The following CAPN1 variants were observed in gnomAD, a reference collection of about 807,000 sequenced individuals.
The protein encoded by CAPN1 is calpain 1, also known as calpain-1 catalytic subunit.
Under a neutral mutation model 105.2 loss-of-function variants are expected in CAPN1, and 77 were observed. That is an observed-to-expected ratio of 0.73 (90% confidence interval 0.61 to 0.88). The LOEUF is 0.88. Among genes scored for constraint, CAPN1 ranks in the 40% least tolerant of loss-of-function variants. The pLI is 0.00. For missense variants in CAPN1, 833 were observed against 976.6 expected (o/e 0.85, Z 1.96); for synonymous variants, 355 against 388.8 (o/e 0.91, Z 1.02).
chr11:65,195,106 T>G (rs1197170754), intron 10 of CAPN1, among the ~76,000 whole-genome samples: 2 of 140,690 alleles, frequency 1.4e-5, no homozygotes, highest in Admixed American at 7.0e-5. Flanking sequence ...TGGGGTTTTT[T>G]TTTTTTTTTT....
At chr11:65,187,554 G>C (rs530284879) in intron 7 of CAPN1, 2 of 557,962 alleles carry the variant, frequency 3.6e-6, no homozygotes, top group East Asian at 6.1e-5. Context: ...TGCTGAGCAG[G>C]GCTTGGAGAG....
At chr11:65,211,110 G>T in intron 21 of CAPN1, 150 bp from the exon 22 acceptor site, 1 of 887,998 alleles carries the variant, frequency 1.1e-6, no homozygotes, top group Non-Finnish European at 1.8e-6. Flanking sequence ...TGGTTTCCCA[G>T]GGGTGGAGGA....
Position 65,187,340 on chromosome 11 carries a change from C to T in CAPN1, c.843+42C>T, listed in dbSNP as rs773183049. The T allele has an allele frequency of 9.2e-6, 13 of 1,410,754 alleles. No homozygotes were observed. In the South Asian group the frequency reaches 1.2e-4, roughly 13 times the overall value. The allele number at this position is 1,410,754 out of a possible 1,614,324, so 87.4% of individuals were successfully genotyped here. ...GGCCTTCCCTGAAGGGCGGTTCCTGCCCCCTGGCCTGTCCTTGCCTCTCTG... is the reference window on the plus strand; with the variant it reads ...GGCCTTCCCTGAAGGGCGGTTCCTGTCCCCTGGCCTGTCCTTGCCTCTCTG... On this transcript the variant is annotated intron_variant, in intron 7 of 21. Coordinates refer to ENST00000279247, the MANE Select transcript of CAPN1 (RefSeq NM_005186.4).
Position 65,209,718 on chromosome 11 carries a change from G to C in CAPN1, c.1795-131G>C. 1.2e-6 allele frequency: 1 copy of C among 861,336 alleles called. No individual in the cohort carries two copies. The highest frequency in any genetic ancestry group is 1.9e-6 in the Non-Finnish European group (1 of 537,028). 53.4% of individuals were successfully genotyped at this position (861,336 alleles called of 1,614,324 possible). On this transcript the variant is annotated intron_variant, in intron 17 of 21. Coordinates refer to ENST00000279247, the MANE Select transcript of CAPN1 (RefSeq NM_005186.4). This position sits in a 1 kb window ranked among gnomAD's most constrained non-coding sequence, Gnocchi z 4.1. Reference sequence around the variant, plus strand: ...CCCGGCTGTGGGCTGACTGTACATGGCTTTTGCTGCTTCTCCTCACCCAGC... The same window carrying C: ...CCCGGCTGTGGGCTGACTGTACATGCCTTTTGCTGCTTCTCCTCACCCAGC...
chr11:65,204,399 C>T (rs1459836594), intron 10 of CAPN1, among the ~76,000 whole-genome samples: 1 of 152,106 alleles, frequency 6.6e-6, no homozygotes, highest in Admixed American at 6.5e-5. Flanking sequence ...GGTCTCAGCG[C>T]ATAGGTCCCC....
intron 4 of CAPN1, among the ~76,000 whole-genome samples, chr11:65,184,252 C>A (rs1458411572): frequency 1.3e-5 from 2 of 152,274 alleles, no homozygotes; most frequent in Admixed American, 6.5e-5. Flanking sequence ...TCTGTCCTTG[C>A]CCGCCTTGCG....
At chr11:65,199,517 C>T (rs895791062) in intron 10 of CAPN1, among the ~76,000 whole-genome samples, 4 of 152,134 alleles carry the variant, frequency 2.6e-5, no homozygotes, top group African/African-American at 4.8e-5. Flanking sequence ...TTGAGAATAT[C>T]ACCTCCTTCC....
intron 10 of CAPN1, among the ~76,000 whole-genome samples, chr11:65,193,918 T>A (rs2137345245): frequency 6.6e-6 from 1 of 150,820 alleles, no homozygotes; most frequent in Middle Eastern, 3.4e-3. Context: ...ATATCATTAA[T>A]CTTTACTGTT....
intron 1 of CAPN1, chr11:65,182,416 C>T: frequency 2.5e-6 from 1 of 404,574 alleles, no homozygotes; most frequent in Non-Finnish European, 4.4e-6. Flanking sequence ...CCGCCCTGCC[C>T]CACCTGACCT....
intron 14 of CAPN1, 136 bp downstream of exon 14, chr11:65,206,955 G>A: frequency 1.3e-6 from 1 of 777,166 alleles, no homozygotes; most frequent in Non-Finnish European, 2.1e-6. Flanking sequence ...CATAGGAGTA[G>A]TGCTAATCCC....
At chr11:65,201,501 G>A (rs1948868196) in intron 10 of CAPN1, among the ~76,000 whole-genome samples, 1 of 152,072 alleles carries the variant, frequency 6.6e-6, no homozygotes, top group East Asian at 1.9e-4. Flanking sequence ...CCTCCAGGGA[G>A]GTTTAATTTT....
At position 65,206,572 on chromosome 11, in the gene CAPN1, G is replaced by A. The variant is rs376981701; in HGVS notation, c.1463G>A (p.Arg488His). The change falls in exon 13 of 22, where the codon CGC becomes CAC. Residue 488 changes from arginine to histidine, a missense_variant. By Grantham distance (29) the Arg-to-His change is conservative. Coordinates refer to ENST00000279247, the MANE Select transcript of CAPN1 (RefSeq NM_005186.4). ...CTGCGAGAGGTCAGCACCCGCTTCC[G>A]CCTGCCACCCGGGGAGTATGTGGTG... ...INLREVSTRF[R>H]LPPGEYVVVP... is the part of the protein sequence containing the mutation. The A allele has an allele frequency of 1.2e-5, 20 of 1,613,320 alleles. No homozygotes were observed. Among genetic ancestry groups the A allele is most frequent in the Middle Eastern group, 1.6e-4 (1 of 6,084 alleles).
intron 7 of CAPN1, 200 bp from the exon 8 acceptor site, chr11:65,187,755 C>A: frequency 2.0e-6 from 1 of 512,294 alleles, no homozygotes. Context: ...GGTGTGGTGG[C>A]AGGTGCCTGT....
rs1397637789 is a variant in CAPN1, at chr11:65,185,916, G to A, written c.457-1G>A. Reference sequence around the variant, plus strand: ...GTACTCACCGTGCCCCTCCCCCACAGCTGTGGCAATTTGGGGAGTGGGTGG... The same window carrying A: ...GTACTCACCGTGCCCCTCCCCCACAACTGTGGCAATTTGGGGAGTGGGTGG... On this transcript the variant is annotated splice_acceptor_variant, in intron 4 of 21. Transcript: ENST00000279247. LOFTEE classifies it high-confidence loss of function. 1 of 1,579,572 alleles carries A rather than the reference G, an allele frequency of 6.3e-7. No individual in the cohort carries two copies. The highest frequency in any genetic ancestry group is 1.3e-5 in the African/African-American group (1 of 74,150).
rs17883561 is a variant in CAPN1 at position 65,206,301 on chromosome 11, G to A, written c.1354-162G>A. The A allele has an allele frequency of 0.1, 64,399 of 618,008 alleles. 4,141 individuals carry two copies. The highest frequency in any genetic ancestry group is 0.13 in the Non-Finnish European group (44,395 of 348,292). 38.3% of individuals were successfully genotyped at this position (618,008 alleles called of 1,614,324 possible). On this transcript the variant is annotated intron_variant, in intron 12 of 21. Transcript: ENST00000279247. ...TACATTTTACAGATGAGGAAACTGA[G>A]GCAAAATGTCTTGTTAGGGTCACAC...
intron 14 of CAPN1, among the ~76,000 whole-genome samples, chr11:65,207,384 G>A (rs1474261424): frequency 3.3e-5 from 5 of 151,434 alleles, no homozygotes; most frequent in Admixed American, 2.6e-4. Flanking sequence ...ATTTTTAGTA[G>A]AGACGGGGTT....
Position 65,183,215 on chromosome 11 carries a change from C to CT in CAPN1, c.337+18_337+19insT. 1 of 1,611,726 alleles carries CT rather than the reference C, an allele frequency of 6.2e-7. No homozygotes were observed. Among genetic ancestry groups the CT allele is most frequent in the African/African-American group, 1.3e-5 (1 of 74,982 alleles). The stretch of plus-strand genomic sequence containing the variant: ...AGCACTGGGTAGGCCCCCAGGGCGT[C>CT]GGGTCCCGGGTATTTTTTCCACAGT... On this transcript the variant is annotated intron_variant, in intron 3 of 21. Transcript: ENST00000279247.
chr11:65,182,957 A>T lies in CAPN1; in HGVS notation c.256A>T (p.Lys86Ter). The T allele has an allele frequency of 6.2e-7, 1 of 1,613,488 alleles. No individual in the cohort carries two copies. Among genetic ancestry groups the T allele is most frequent in the Non-Finnish European group, 8.5e-7 (1 of 1,179,724 alleles). The part of the protein sequence containing the change: ...NSSKTYGIKW[K>*]RPTELLSNPQ... Reference sequence around the variant, plus strand: ...CTCCAAGACCTATGGCATCAAGTGGAAGCGTCCCACGGTGAGAGGGGCCAT... The same window carrying T: ...CTCCAAGACCTATGGCATCAAGTGGTAGCGTCCCACGGTGAGAGGGGCCAT... The change falls in exon 2 of 22, where the codon AAG becomes TAG. Residue 86 changes from lysine to a stop codon, truncating the protein, a stop_gained. Transcript: ENST00000279247. LOFTEE classifies it high-confidence loss of function.
chr11:65,197,687 G>T lies in CAPN1; in HGVS notation c.1166-6996G>T, dbSNP rs182282789. Among the ~76,000 whole-genome samples the T allele has an allele frequency of 1.7e-4, 26 of 152,126 alleles. 1 individual carries two copies. Among genetic ancestry groups the T allele is most frequent in the African/African-American group, 5.8e-4 (24 of 41,510 alleles). ...GGATCACCTGAGGTCAGGAGTTCGA[G>T]ACCAGCCTGGCCAACATGGTGGAAC... On this transcript the variant is annotated intron_variant, in intron 10 of 21. Transcript: ENST00000279247.
Sources: gnomAD v4.1 joint callset for allele counts (sites outside exome capture counted in the v4.1 genomes callset) on GRCh38, gnomAD v4.1.1 for gene constraint, Gnocchi (gnomAD v3.1) non-coding constraint, MANE v1.5 for transcripts, NCBI Gene and HGNC (gene_info 2026-07-23, HGNC 2026-07-21) for gene names.